Variants in PDE4DIP observed in about 807,000 individuals in gnomAD.
PDE4DIP encodes the protein myomegalin.
PDE4DIP carries 59 observed loss-of-function variants against 221.4 expected under a neutral mutation model. That is an observed-to-expected ratio of 0.27 (90% CI 0.22 to 0.33). The LOEUF (loss-of-function observed/expected upper bound fraction) is 0.33, where lower values mean the gene tolerates loss of function less well. Among genes scored for constraint, PDE4DIP ranks in the 10% least tolerant of loss-of-function variants. PDE4DIP has a pLI of 1.00. For missense variants in PDE4DIP, 1,036 were observed against 2,154.2 expected (o/e 0.48, Z 10.28); for synonymous variants, 404 against 815.9 (o/e 0.50, Z 8.60).
At chr1:148,820,705 C>CT (rs11318604) in intron 1 of PDE4DIP, among the ~76,000 whole-genome samples, 3 of 139,146 alleles carry the variant, frequency 2.2e-5, no homozygotes, top group South Asian at 2.3e-4. Context: ...AATAACCCTA[C>CT]TTTTTTTTTG....
intron 5 of PDE4DIP, among the ~76,000 whole-genome samples, chr1:148,955,358 T>C (rs1272834862): frequency 6.6e-6 from 1 of 151,782 alleles, no homozygotes; most frequent in African/African-American, 2.4e-5. Flanking sequence ...ATGACCAATA[T>C]TGTAGAACGT....
intron 21 of PDE4DIP, among the ~76,000 whole-genome samples, chr1:148,987,241 C>A (rs1376706124): frequency 6.6e-6 from 1 of 152,070 alleles, no homozygotes; most frequent in Non-Finnish European, 1.5e-5. Flanking sequence ...TTCTGTTCCA[C>A]GATCAGAATC....
At chr1:148,969,985 C>T (rs1379302533) in intron 14 of PDE4DIP, among the ~76,000 whole-genome samples, 4 of 152,276 alleles carry the variant, frequency 2.6e-5, no homozygotes, top group African/African-American at 4.8e-5. Context: ...GGATTACAGG[C>T]GTGAGCCACC....
intron 37 of PDE4DIP, chr1:149,021,657 A>AG: frequency 6.6e-6 from 1 of 150,968 alleles, no homozygotes; most frequent in Non-Finnish European, 1.5e-5. Context: ...GAAGAAATAC[A>AG]GGGGCTTACC....
intron 5 of PDE4DIP, among the ~76,000 whole-genome samples, chr1:148,948,962 T>C (rs1192138242): frequency 3.3e-5 from 5 of 152,204 alleles, no homozygotes; most frequent in African/African-American, 1.2e-4. Flanking sequence ...AGACCTGTTG[T>C]CAGACTTCAA....
chr1:148,952,227 G>A (rs781922220), intron 5 of PDE4DIP: 37 of 1,023,738 alleles, frequency 3.6e-5, no homozygotes, highest in Non-Finnish European at 4.0e-5. Context: ...CACTCGCCGT[G>A]AGCCAGGTGT....
intron 20 of PDE4DIP, among the ~76,000 whole-genome samples, chr1:148,980,264 C>A (rs1341549911): frequency 1.3e-5 from 2 of 152,104 alleles, no homozygotes; most frequent in African/African-American, 4.8e-5. Context: ...AGGTAGCGCG[C>A]GCCTGTAGTC....
intron 3 of PDE4DIP, among the ~76,000 whole-genome samples, chr1:148,875,700 C>T (rs71579032): frequency 6.0e-5 from 9 of 148,996 alleles, no homozygotes; most frequent in African/African-American, 1.5e-4. Context: ...CTGAGGTGAG[C>T]GAATCACCTG....
intron 21 of PDE4DIP, chr1:148,981,828 T>C (rs1227507083): frequency 1.8e-5 from 3 of 170,642 alleles, no homozygotes; most frequent in African/African-American, 7.1e-5. Flanking sequence ...TGCATGTGTG[T>C]GTATTATTTT....
intron 1 of PDE4DIP, among the ~76,000 whole-genome samples, chr1:148,815,204 A>G (rs1352245996): frequency 2.4e-5 from 3 of 124,282 alleles, no homozygotes; most frequent in Admixed American, 1.6e-4. Flanking sequence ...TTTTAAATAT[A>G]AGGTTATATT....
chr1:148,954,798 T>C (rs1328597702), intron 5 of PDE4DIP, among the ~76,000 whole-genome samples: 2 of 152,156 alleles, frequency 1.3e-5, no homozygotes, highest in African/African-American at 2.4e-5. Flanking sequence ...TCAATAAACT[T>C]TGTGAAACAT....
In PDE4DIP at chr1:148,975,167, G is replaced by A. The variant is rs1247313770; in HGVS notation, c.2319+562G>A. ...GCCTGGGCAACAAGAGCAAAACTCCGCCTCCAAGATAATAATAATAATAAT... is the reference window on the plus strand; with the variant it reads ...GCCTGGGCAACAAGAGCAAAACTCCACCTCCAAGATAATAATAATAATAAT... On this transcript the variant is annotated intron_variant, in intron 17 of 43. Coordinates refer to ENST00000369354, the Ensembl canonical transcript of PDE4DIP. Among the ~76,000 whole-genome samples the A allele has an allele frequency of 1.3e-4, 19 of 147,638 alleles. 1 individual carries two copies. Among genetic ancestry groups the A allele is most frequent in the Middle Eastern group, 3.5e-3 (1 of 286 alleles).
rs1674197772 is a variant in PDE4DIP at position 148,838,646 on chromosome 1, T to C, written c.234-24604T>C. Among the ~76,000 whole-genome samples the C allele has an allele frequency of 2.3e-5, 3 of 127,952 alleles. No individual in the cohort carries two copies. In the Admixed American group the frequency reaches 2.4e-4, roughly 10 times the overall value. The allele number at this position is 127,952 out of a possible 152,430, so 83.9% of individuals were successfully genotyped here. On this transcript the variant is annotated intron_variant, in intron 1 of 45. Transcript: ENST00000524974. ...GCTTAAAAACCAAATGGCTCCTTTTTTAGCCCACTTTTTTTTCTTTTTTTT... is the reference window on the plus strand; with the variant it reads ...GCTTAAAAACCAAATGGCTCCTTTTCTAGCCCACTTTTTTTTCTTTTTTTT...
chr1:148,817,997 A>G (rs1553357470), intron 1 of PDE4DIP, among the ~76,000 whole-genome samples: 1 of 148,122 alleles, frequency 6.8e-6, no homozygotes, highest in African/African-American at 2.5e-5. Context: ...TTGTATTTTT[A>G]TTAGAGATGG....
chr1:148,979,753 A>C, exon 20 of PDE4DIP: 1 of 1,613,284 alleles, frequency 6.2e-7, no homozygotes, highest in Non-Finnish European at 8.5e-7. Flanking sequence ...CTGATGCTAG[A>C]AGGACTAGTA....
intron 3 of PDE4DIP, among the ~76,000 whole-genome samples, chr1:148,881,596 T>C: frequency 6.8e-6 from 1 of 147,908 alleles, no homozygotes; most frequent in Non-Finnish European, 1.5e-5. Context: ...TTTTTTTACA[T>C]AGATCCAGGT....
intron 1 of PDE4DIP, among the ~76,000 whole-genome samples, chr1:148,924,209 T>G (rs1329709262): frequency 5.3e-5 from 8 of 152,304 alleles, no homozygotes; most frequent in South Asian, 2.1e-4. Flanking sequence ...TTTGGAGAGA[T>G]AAAGTAAGGC....
chr1:148,923,598 C>T (rs1446188749), intron 1 of PDE4DIP, among the ~76,000 whole-genome samples: 1 of 130,326 alleles, frequency 7.7e-6, no homozygotes, highest in Non-Finnish European at 1.5e-5. Flanking sequence ...CTCAGCCTCT[C>T]AAGTAGCTGG....
intron 40 of PDE4DIP, 55 bp from the exon 44 acceptor site, chr1:149,028,505 C>T (rs183350317): frequency 1.9e-6 from 3 of 1,548,496 alleles, no homozygotes; most frequent in South Asian, 2.4e-5. Flanking sequence ...AAGCTTGAGC[C>T]CATGCAGGGG....
Sources: gnomAD v4.1 joint callset for allele counts (sites outside exome capture counted in the v4.1 genomes callset) on GRCh38, gnomAD v4.1.1 for gene constraint, MANE v1.5 for transcripts, NCBI Gene and HGNC (gene_info 2026-07-23, HGNC 2026-07-21) for gene names.